Variants in PIK3IP1 observed in about 807,000 individuals in gnomAD.
The protein encoded by PIK3IP1 is phosphoinositide-3-kinase-interacting protein 1.
Under a neutral mutation model 30.7 loss-of-function variants are expected in PIK3IP1, and 28 were observed. That is an observed-to-expected ratio of 0.91 (90% confidence interval 0.68 to 1.25). The LOEUF (loss-of-function observed/expected upper bound fraction) is 1.25, where lower values mean the gene tolerates loss of function less well. Among genes scored for constraint, PIK3IP1 ranks in the 50% most tolerant of loss-of-function variants. The pLI is 0.00. For synonymous variants in PIK3IP1, 159 were observed against 140.8 expected (o/e 1.13, Z -0.91); for missense variants, 333 against 346.2 (o/e 0.96, Z 0.30).
chr22:31,283,924 G>C (rs543580038), intron 5 of PIK3IP1, among the ~76,000 whole-genome samples: 63 of 151,446 alleles, frequency 4.2e-4, no homozygotes, highest in African/African-American at 1.5e-3. Flanking sequence ...TTTTTTTGGA[G>C]ATGGAGTTTC....
In PIK3IP1 at chr22:31,281,715, C is replaced by T. The variant is rs983327558; in HGVS notation, c.*1369G>A. On this transcript the variant is annotated 3_prime_UTR_variant, in exon 6 of 6. Coordinates refer to ENST00000215912, the MANE Select transcript of PIK3IP1 (RefSeq NM_052880.5). ...AAATGCCTTTATAGAAAAGTAGAAA[C>T]CAGTAATATTCTCTTCTCCAGCATC... 6.6e-6 allele frequency: 1 copy of T among 152,338 alleles called. No individual in the cohort carries two copies. The highest frequency in any genetic ancestry group is 2.4e-5 in the African/African-American group (1 of 41,338). 9.4% of individuals were successfully genotyped at this position (152,338 alleles called of 1,614,324 possible).
chr22:31,289,434 A>G (rs1018681730), intron 4 of PIK3IP1, 41 bp from the exon 5 acceptor site: 1 of 1,572,156 alleles, frequency 6.4e-7, no homozygotes, highest in African/African-American at 1.4e-5. Context: ...GCCACACCCT[A>G]GACAATCAGC....
chr22:31,282,815 G>A lies in PIK3IP1; in HGVS notation c.*269C>T. On this transcript the variant is annotated 3_prime_UTR_variant, in exon 6 of 6. Coordinates refer to ENST00000215912, the MANE Select transcript of PIK3IP1 (RefSeq NM_052880.5). ...TGCAGGCAATGTTTGGAAGCCCTTA[G>A]CAGCAGCATCACTGTGGGAGCTGCC... 1.2e-5 allele frequency: 5 copies of A among 428,006 alleles called. No individual in the cohort carries two copies. The South Asian group carries it at 1.5e-4, about 13-fold the overall frequency. The allele number at this position is 428,006 out of a possible 1,614,324, so 26.5% of individuals were successfully genotyped here.
chr22:31,284,698 A>G (rs2049118270), intron 5 of PIK3IP1, among the ~76,000 whole-genome samples: 1 of 152,166 alleles, frequency 6.6e-6, no homozygotes, highest in South Asian at 2.1e-4. Flanking sequence ...AAGGGAGTGG[A>G]GTGGTGTTGA....
Position 31,292,456 on chromosome 22 carries a change from T to C in PIK3IP1, c.-112A>G, listed in dbSNP as rs537291253. 22 of 821,088 alleles carry C rather than the reference T, an allele frequency of 2.7e-5. No homozygotes were observed. Among genetic ancestry groups the C allele is most frequent in the African/African-American group, 1.0e-4 (6 of 59,316 alleles). 50.9% of individuals were successfully genotyped at this position (821,088 alleles called of 1,614,324 possible). A position where few individuals can be genotyped will look rare whatever the true frequency, so the allele number is the denominator to read the frequency against. On this transcript the variant is annotated 5_prime_UTR_variant, in exon 1 of 6. Coordinates refer to ENST00000215912, the MANE Select transcript of PIK3IP1 (RefSeq NM_052880.5). ...CTTGCAGTCAGACCTGCCCTTGTTATGCTGTTCTGGTAAACAGCCTCTCTT... is the reference window on the plus strand; with the variant it reads ...CTTGCAGTCAGACCTGCCCTTGTTACGCTGTTCTGGTAAACAGCCTCTCTT...
At position 31,282,168 on chromosome 22, in the gene PIK3IP1, T is replaced by G. The variant is rs562413987; in HGVS notation, c.*916A>C. On this transcript the variant is annotated 3_prime_UTR_variant, in exon 6 of 6. Coordinates refer to ENST00000215912, the MANE Select transcript of PIK3IP1 (RefSeq NM_052880.5). ...GGACCACCTGCTAAATCAGGCCCAC[T>G]TGGGGAGCAAGCCCTGAAGTGCTTT... is the stretch of plus-strand genomic sequence containing the variant. 3.3e-5 allele frequency: 5 copies of G among 152,142 alleles called. No individual in the cohort carries two copies. In the South Asian group the frequency reaches 1.0e-3, roughly 32 times the overall value. 9.4% of individuals were successfully genotyped at this position (152,142 alleles called of 1,614,324 possible).
chr22:31,291,109 GTGCCGGGGCTGGC>G, intron 2 of PIK3IP1, 25 bp from the exon 3 acceptor site: 1 of 1,545,088 alleles, frequency 6.5e-7, no homozygotes, highest in East Asian at 2.5e-5. Context: ...AAGGAAATGT[GTGCCGGGGCTGGC>G]ACCGGGAACG....
Position 31,291,167 on chromosome 22 carries a change from G to C in PIK3IP1, c.187+13C>G. 6.5e-7 allele frequency: 1 copy of C among 1,542,714 alleles called. No homozygotes were observed. Among genetic ancestry groups the C allele is most frequent in the Non-Finnish European group, 8.7e-7 (1 of 1,143,948 alleles). Reference sequence around the variant, plus strand: ...CCCGCCAGCCCCGGGGCCGTCCCCCGGAGGACACTTACCCGACACGGGGGC... The same window carrying C: ...CCCGCCAGCCCCGGGGCCGTCCCCCCGAGGACACTTACCCGACACGGGGGC... On this transcript the variant is annotated intron_variant, in intron 2 of 5. Transcript: ENST00000215912.
intron 1 of PIK3IP1, 59 bp from the exon 2 acceptor site, chr22:31,291,355 G>A: frequency 6.6e-7 from 1 of 1,510,742 alleles, no homozygotes; most frequent in Non-Finnish European, 9.0e-7. Context: ...AAGACGCCCA[G>A]CGTGGCGGAC....
At position 31,282,021 on chromosome 22, in the gene PIK3IP1, G is replaced by A. The variant is rs1266492812; in HGVS notation, c.*1063C>T. ...TTGGGCAAGTCACTTTTTCCTCTCT[G>A]GGGTCCTGTGTCCAAAAGGCTTAAT... On this transcript the variant is annotated 3_prime_UTR_variant, in exon 6 of 6. Transcript: ENST00000215912. 6.6e-6 allele frequency: 1 copy of A among 152,306 alleles called. No homozygotes were observed. The highest frequency in any genetic ancestry group is 1.5e-5 in the Non-Finnish European group (1 of 68,110). The allele number at this position is 152,306 out of a possible 1,614,324, so 9.4% of individuals were successfully genotyped here. A position where few individuals can be genotyped will look rare whatever the true frequency, so the allele number is the denominator to read the frequency against.
At position 31,283,082 on chromosome 22, in the gene PIK3IP1, G is replaced by T. The variant is rs753699366; in HGVS notation, c.*2C>A. 1 of 1,586,666 alleles carries T rather than the reference G, an allele frequency of 6.3e-7. No homozygotes were observed. Among genetic ancestry groups the T allele is most frequent in the Non-Finnish European group, 8.6e-7 (1 of 1,166,132 alleles). On this transcript the variant is annotated 3_prime_UTR_variant, in exon 6 of 6. Coordinates refer to ENST00000215912, the MANE Select transcript of PIK3IP1 (RefSeq NM_052880.5). ...GCATGGGCTCCTGCCCACTGGGGGG[G>T]CTCAGGCCCCAGGAGTCCCGGCCTG...
rs984069339 is a variant in PIK3IP1, at chr22:31,289,325, AG to A, written c.576del (p.Ser193ProfsTer8). ...AGAGAAGCTACTGACCTCTTGTAGG[AG>A]TAGCCCAAGATGATGCCAGCTCCGA... ...IAIGAGIILG[Y>X]SYKRGKDLKE... On this transcript the variant is annotated frameshift_variant, in exon 5 of 6. Coordinates refer to ENST00000215912, the MANE Select transcript of PIK3IP1 (RefSeq NM_052880.5). LOFTEE classifies it high-confidence loss of function. The A allele has an allele frequency of 1.2e-6, 2 of 1,614,054 alleles. No homozygotes were observed. The highest frequency in any genetic ancestry group is 1.7e-5 in the Admixed American group (1 of 60,006).
At position 31,289,542 on chromosome 22, in the gene PIK3IP1, C is replaced by T. The variant is rs981262068; in HGVS notation, c.465G>A (p.Arg155=). The change falls in exon 4 of 6, where the codon CGG becomes CGA. Residue 155 remains arginine (R), a synonymous_variant. Coordinates refer to ENST00000215912, the MANE Select transcript of PIK3IP1 (RefSeq NM_052880.5). ...AVQPVIGISQ[R]VRMNSKEKKD... is the part of the protein sequence containing the mutation. ...TTTTCTCCTTGGAGTTCATCCGCACCCGCTGGCTGATCCCAATCACTGGCT... is the reference window on the plus strand; with the variant it reads ...TTTTCTCCTTGGAGTTCATCCGCACTCGCTGGCTGATCCCAATCACTGGCT... 1.9e-6 allele frequency: 3 copies of T among 1,552,416 alleles called. No homozygotes were observed. The highest frequency in any genetic ancestry group is 2.6e-6 in the Non-Finnish European group (3 of 1,146,284).
chr22:31,288,111 T>G (rs2049145202), intron 5 of PIK3IP1, among the ~76,000 whole-genome samples: 1 of 152,052 alleles, frequency 6.6e-6, no homozygotes, highest in South Asian at 2.1e-4. Flanking sequence ...ATGCCAGGCA[T>G]GGTGGTTCAT....
intron 5 of PIK3IP1, among the ~76,000 whole-genome samples, chr22:31,287,329 ATTTT>A (rs776460911): frequency 2.3e-5 from 2 of 85,660 alleles, no homozygotes; most frequent in Non-Finnish European, 4.7e-5. Context: ...CATTACCTAC[ATTTT>A]TTTTTTTTTT....
At chr22:31,290,802 A>C in intron 3 of PIK3IP1, 163 bp downstream of exon 3, 1 of 1,081,284 alleles carries the variant, frequency 9.2e-7, no homozygotes, top group Non-Finnish European at 1.2e-6. Flanking sequence ...GCGGCGGCCA[A>C]TAGGCTTTGA....
chr22:31,290,755 A>T, intron 3 of PIK3IP1: 1 of 682,752 alleles, frequency 1.5e-6, no homozygotes, highest in Non-Finnish European at 2.2e-6. Flanking sequence ...GCAGTTGTTT[A>T]CAAGCGCTCG....
chr22:31,290,764 CGCGGCGGATGAGCTCATACGAGTG>C, intron 3 of PIK3IP1, 177 bp downstream of exon 3: 2 of 729,476 alleles, frequency 2.7e-6, no homozygotes, highest in South Asian at 2.5e-5. Flanking sequence ...TACAAGCGCT[CGCGGCGGATGAGCTCATACGAGTG>C]GCGGCGGCGG....
intron 5 of PIK3IP1, among the ~76,000 whole-genome samples, chr22:31,285,239 A>T (rs1035521647): frequency 1.3e-5 from 2 of 152,202 alleles, no homozygotes; most frequent in Non-Finnish European, 2.9e-5. Context: ...TACAGGTAAT[A>T]ATCACAAGAG....
Sources: gnomAD v4.1 joint callset for allele counts (sites outside exome capture counted in the v4.1 genomes callset) on GRCh38, gnomAD v4.1.1 for gene constraint, MANE v1.5 for transcripts, NCBI Gene and HGNC (gene_info 2026-07-23, HGNC 2026-07-21) for gene names.